Variants in RSPH10B observed in about 807,000 individuals in gnomAD.
RSPH10B encodes radial spoke head 10 homolog B, also known as radial spoke head 10 homolog B (Chlamydomonas).
Under a neutral mutation model 52.5 loss-of-function variants are expected in RSPH10B, and 7 were observed. That is an observed-to-expected ratio of 0.13 (90% CI 0.08 to 0.25). The LOEUF is 0.25. RSPH10B is among the 10% of genes least tolerant of loss of function. The pLI, the probability that RSPH10B is intolerant of heterozygous loss-of-function variation, is 1.00. For synonymous variants in RSPH10B, 28 were observed against 193.2 expected (o/e 0.14, Z 7.09); for missense variants, 89 against 542.5 (o/e 0.16, Z 8.30).
intron 18 of RSPH10B, among the ~76,000 whole-genome samples, chr7:5,926,916 G>A (rs1287381442): frequency 6.2e-5 from 9 of 144,428 alleles, no homozygotes; most frequent in South Asian, 4.3e-4. Flanking sequence ...TACCACGCCC[G>A]GCTAATATTT....
chr7:5,970,459 G>A (rs1431161513), upstream of RSPH10B: 18 of 125,636 alleles, frequency 1.4e-4, 2 homozygotes, highest in African/African-American at 4.8e-4. Flanking sequence ...GAGCCGGGAA[G>A]AATCGGCTCC....
At chr7:5,968,529 C>T (rs1442693477), upstream of RSPH10B, among the ~76,000 whole-genome samples, 34 of 71,820 alleles carry the variant, frequency 4.7e-4, no homozygotes, top group East Asian at 4.2e-3. Context: ...ATTTTTGAGA[C>T]GGAGTCTCAC....
chr7:5,926,950 T>TCA (rs1178864426), intron 18 of RSPH10B, among the ~76,000 whole-genome samples: 1 of 150,842 alleles, frequency 6.6e-6, no homozygotes, highest in African/African-American at 2.4e-5. Context: ...GAGATGGGTT[T>TCA]CACCAGGTTG....
At chr7:5,939,623 C>G in intron 13 of RSPH10B, among the ~76,000 whole-genome samples, 1 of 70,674 alleles carries the variant, frequency 1.4e-5, no homozygotes, top group South Asian at 6.6e-4. Flanking sequence ...CACACACACA[C>G]ACACACACAC....
rs1313617743 is a variant in RSPH10B at position 5,942,867 on chromosome 7, A to C, written c.1758+457T>G. Reference sequence around the variant, plus strand: ...ACAAGAGCAAAACTCCGTCTCAAAAAAATAAAATTAAAAATATATATATAT... The same window carrying C: ...ACAAGAGCAAAACTCCGTCTCAAAACAATAAAATTAAAAATATATATATAT... On this transcript the variant is annotated intron_variant, in intron 13 of 18. Coordinates refer to ENST00000337579, the Ensembl canonical transcript of RSPH10B. Among the ~76,000 whole-genome samples, 173 of 145,130 alleles carry C rather than the reference A, an allele frequency of 1.2e-3. 1 individual carries two copies. Among genetic ancestry groups the C allele is most frequent in the African/African-American group, 4.3e-3 (168 of 39,348 alleles).
At position 5,966,946 on chromosome 7, in the gene RSPH10B, G is replaced by A; in HGVS notation, c.171C>T (p.Pro57=). 2.2e-6 allele frequency: 3 copies of A among 1,380,312 alleles called. 1 individual carries two copies. The highest frequency in any genetic ancestry group is 3.0e-6 in the Non-Finnish European group (3 of 992,072). 85.5% of individuals were successfully genotyped at this position (1,380,312 alleles called of 1,614,324 possible). Residue 57 remains proline (P), a synonymous_variant, in exon 1 of 19, where the codon CCC becomes CCT. Coordinates refer to ENST00000337579, the Ensembl canonical transcript of RSPH10B. ...GCTGAACGTTTTGGCGGTCTTTTTT[G>A]GGTTTCACTTCGTTGAGCTGCATTC... is the stretch of plus-strand genomic sequence containing the variant.
Position 5,931,322 on chromosome 7 carries a change from C to G in RSPH10B, c.2233+1460G>C. Among the ~76,000 whole-genome samples the G allele has an allele frequency of 1.3e-5, 2 of 151,090 alleles. 1 individual carries two copies. Among genetic ancestry groups the G allele is most frequent in the Non-Finnish European group, 3.0e-5 (2 of 67,712 alleles). On this transcript the variant is annotated intron_variant, in intron 17 of 18. Transcript: ENST00000337579. The stretch of plus-strand genomic sequence containing the variant: ...AGGAGGAGTAACGGGAAACGACAGG[C>G]ACTGTAGAGGGGGATACACAGGGGA...
chr7:5,927,070 A>ATTATGTGTGTGTG (rs1554284566), intron 18 of RSPH10B, among the ~76,000 whole-genome samples: 2 of 110,732 alleles, frequency 1.8e-5, no homozygotes, highest in African/African-American at 3.2e-5. Context: ...GTGTGTGTAT[A>ATTATGTGTGTGTG]TGTGTGTGTG....
intron 10 of RSPH10B, among the ~76,000 whole-genome samples, chr7:5,947,913 C>T (rs1273732976): frequency 2.2e-5 from 2 of 92,170 alleles, no homozygotes; most frequent in African/African-American, 4.3e-5. Context: ...GCCCTGTCAC[C>T]CAGGCTGGAG....
intron 17 of RSPH10B, among the ~76,000 whole-genome samples, chr7:5,931,811 G>A (rs1383853872): frequency 2.6e-5 from 4 of 151,048 alleles, no homozygotes; most frequent in Admixed American, 2.0e-4. Context: ...GACCACCCTG[G>A]CCAACATCAT....
intron 3 of RSPH10B, 59 bp downstream of exon 5, chr7:5,964,442 GA>G (rs1781035317): frequency 6.0e-6 from 3 of 497,256 alleles, no homozygotes; most frequent in Non-Finnish European, 3.8e-6. Flanking sequence ...TCAATTGTGG[GA>G]AACTGATTGT....
At chr7:5,937,392 TTC>T in intron 15 of RSPH10B, among the ~76,000 whole-genome samples, 2 of 132,936 alleles carry the variant, frequency 1.5e-5, no homozygotes, top group Admixed American at 7.7e-5. Flanking sequence ...TGCTTTGTAA[TTC>T]TTTTTGTTTG....
chr7:5,968,389 C>CAA (rs1340137703), upstream of RSPH10B, among the ~76,000 whole-genome samples: 3 of 130,156 alleles, frequency 2.3e-5, no homozygotes, highest in Admixed American at 7.9e-5. Context: ...GATTCTGTCT[C>CAA]AAAAAAAACA....
chr7:5,928,634 GTTTTT>G (rs869172826), intron 17 of RSPH10B, among the ~76,000 whole-genome samples: 1 of 120,490 alleles, frequency 8.3e-6, no homozygotes, highest in African/African-American at 3.2e-5. Context: ...TTTCTTTTTT[GTTTTT>G]TTTTTTTTTG....
chr7:5,928,640 T>TG (rs1354892956), intron 17 of RSPH10B, among the ~76,000 whole-genome samples: 1 of 143,430 alleles, frequency 7.0e-6, no homozygotes, highest in Non-Finnish European at 1.5e-5. Context: ...TTTTGTTTTT[T>TG]TTTTTTTTGG....
chr7:5,964,803 G>A (rs1354928049), intron 2 of RSPH10B, among the ~76,000 whole-genome samples: 1 of 150,462 alleles, frequency 6.6e-6, no homozygotes. Flanking sequence ...TTGTGGAGAC[G>A]GGATTTCACC....
chr7:5,944,035 A>G lies in RSPH10B; in HGVS notation c.1530-45T>C, dbSNP rs76757900. 7,515 of 1,608,406 alleles carry G rather than the reference A, an allele frequency of 4.7e-3. 206 individuals are homozygous for G. The East Asian group carries it at 0.12, about 26-fold the overall frequency. Reference sequence around the variant, plus strand: ...ATACCATAGTTACTTCTCCTCCAAAAGAGGGAACTTAATTCCCTTCTCCTT... The same window carrying G: ...ATACCATAGTTACTTCTCCTCCAAAGGAGGGAACTTAATTCCCTTCTCCTT... On this transcript the variant is annotated intron_variant, in intron 11 of 18. Transcript: ENST00000337579.
chr7:5,942,904 ATATT>A (rs1222437883), intron 13 of RSPH10B, among the ~76,000 whole-genome samples: 1 of 119,298 alleles, frequency 8.4e-6, no homozygotes, highest in East Asian at 2.4e-4. Flanking sequence ...TATTATATAT[ATATT>A]TATTTATATA....
chr7:5,968,587 A>G (rs1257687586), upstream of RSPH10B, among the ~76,000 whole-genome samples: 3 of 66,504 alleles, frequency 4.5e-5, 1 homozygote, highest in Non-Finnish European at 9.8e-5. Context: ...GCTCACTGCA[A>G]GCTCCACCTC....
Sources: allele counts gnomAD v4.1 joint callset (sites outside exome capture counted in the v4.1 genomes callset), GRCh38; gene constraint gnomAD v4.1.1; transcripts MANE v1.5; gene names NCBI Gene and HGNC (gene_info 2026-07-23, HGNC 2026-07-21).